Variants in SLC11A2 observed in about 807,000 individuals in gnomAD.
The protein encoded by SLC11A2 is natural resistance-associated macrophage protein 2.
SLC11A2 carries 38 observed loss-of-function variants against 68.0 expected under a neutral mutation model. The observed-to-expected ratio is 0.56, with a 90% CI of 0.43 to 0.73. The LOEUF (loss-of-function observed/expected upper bound fraction) is 0.73, where lower values mean the gene tolerates loss of function less well. Ranked by LOEUF, SLC11A2 falls within the 30% of genes least tolerant of loss-of-function variation. The pLI, the probability that SLC11A2 is intolerant of heterozygous loss-of-function variation, is 0.00. For missense variants in SLC11A2, 517 were observed against 690.5 expected (o/e 0.75, Z 2.82); for synonymous variants, 242 against 250.6 (o/e 0.97, Z 0.32).
At chr12:50,982,534 G>A (rs113774484), downstream of SLC11A2, among the ~76,000 whole-genome samples, 2 of 152,180 alleles carry the variant, frequency 1.3e-5, no homozygotes, top group Admixed American at 6.5e-5. Context: ...GGCTGAGGCA[G>A]GAGAATCACT....
chr12:50,958,650 A>G, the SLC11A2 span, among the ~76,000 whole-genome samples: 22 of 152,052 alleles, frequency 1.4e-4, no homozygotes, highest in Non-Finnish European at 4.4e-5. Context: ...GGCTTACTAT[A>G]TTGCTACAGT....
intron 1 of SLC11A2, 22 bp from the exon 2 acceptor site, chr12:51,010,788 GAGA>G: frequency 6.9e-7 from 1 of 1,448,538 alleles, no homozygotes; most frequent in East Asian, 2.3e-5. Flanking sequence ...AAAAGTGAGG[GAGA>G]AGAATTAGGA....
rs565669746 is a variant in SLC11A2 at position 51,008,612 on chromosome 12, C to G, written c.47G>C (p.Gly16Ala). The change falls in exon 3 of 16, where the codon GGA becomes GCA. Residue 16 changes from glycine to alanine, a missense_variant. Gly to Ala is a moderately conservative substitution (Grantham distance 60). Coordinates refer to ENST00000262052, the MANE Select transcript of SLC11A2 (RefSeq NM_000617.3). ...EQKMSDDSVS[G>A]DHGESASLGN... ...AAGACTGGCAGACTCCCCATGATCT[C>G]CAGAAACACTGTCTGAATTAACAGA... 6.2e-7 allele frequency: 1 copy of G among 1,612,070 alleles called. No homozygotes were observed. Among genetic ancestry groups the G allele is most frequent in the Admixed American group, 1.7e-5 (1 of 59,976 alleles).
chr12:50,982,638 A>G (rs1940138428), downstream of SLC11A2, among the ~76,000 whole-genome samples: 1 of 151,874 alleles, frequency 6.6e-6, no homozygotes, highest in African/African-American at 2.4e-5. Flanking sequence ...AAAACAAAAC[A>G]GCAAACAAAC....
intron 5 of SLC11A2, among the ~76,000 whole-genome samples, chr12:51,001,417 G>T (rs1387578519): frequency 6.6e-6 from 1 of 151,980 alleles, no homozygotes; most frequent in Admixed American, 6.6e-5. Context: ...GAGAGAAGCA[G>T]AAAAGTTAAC....
chr12:50,966,911 T>C, the SLC11A2 span, among the ~76,000 whole-genome samples: 1 of 151,762 alleles, frequency 6.6e-6, no homozygotes, highest in East Asian at 1.9e-4. Flanking sequence ...AGGTCAGGAG[T>C]TCGAGAACAG....
chr12:50,972,087 A>C, the SLC11A2 span, among the ~76,000 whole-genome samples: 5 of 152,224 alleles, frequency 3.3e-5, no homozygotes, highest in South Asian at 1.0e-3. Flanking sequence ...GCTGGATCTA[A>C]TATGTTCCAT....
chr12:51,004,067 A>G (rs1455329404), intron 5 of SLC11A2, among the ~76,000 whole-genome samples: 1 of 152,236 alleles, frequency 6.6e-6, no homozygotes, highest in African/African-American at 2.4e-5. Flanking sequence ...GGATATTTTG[A>G]TATAGGCATA....
Position 50,986,900 on chromosome 12 carries a change from G to A in SLC11A2, c.*1425C>T, listed in dbSNP as rs1350193753. 10 of 1,287,170 alleles carry A rather than the reference G, an allele frequency of 7.8e-6. No homozygotes were observed. Among genetic ancestry groups the A allele is most frequent in the East Asian group, 5.5e-5 (1 of 18,020 alleles). 79.7% of individuals were successfully genotyped at this position (1,287,170 alleles called of 1,614,324 possible). Reference sequence around the variant, plus strand: ...GCTTTTGGGGGCTCAGATGAACAGCGAACACCAATCAGCCAGGACTCTGGA... The same window carrying A: ...GCTTTTGGGGGCTCAGATGAACAGCAAACACCAATCAGCCAGGACTCTGGA... On this transcript the variant is annotated 3_prime_UTR_variant, in exon 16 of 16. Transcript: ENST00000262052.
the SLC11A2 span, among the ~76,000 whole-genome samples, chr12:50,969,092 C>A: frequency 6.6e-6 from 1 of 151,378 alleles, no homozygotes; most frequent in Non-Finnish European, 1.5e-5. Context: ...GTCAGGAGTT[C>A]GAGACCAGCC....
At chr12:51,016,325 T>C (rs1248174274) in intron 1 of SLC11A2, among the ~76,000 whole-genome samples, 1 of 151,914 alleles carries the variant, frequency 6.6e-6, no homozygotes, top group Non-Finnish European at 1.5e-5. Flanking sequence ...GGCAGGTAGA[T>C]CACCTGAGGT....
rs199638775 is a variant in SLC11A2 at position 50,992,376 on chromosome 12, C to A, written c.1198-37G>T. 1,089 of 1,609,864 alleles carry A rather than the reference C, an allele frequency of 6.8e-4. 1 individual carries two copies. Among genetic ancestry groups the A allele is most frequent in the Non-Finnish European group, 7.9e-4 (935 of 1,177,914 alleles). On this transcript the variant is annotated intron_variant, in intron 12 of 15. Coordinates refer to ENST00000262052, the MANE Select transcript of SLC11A2 (RefSeq NM_000617.3). ...CATAGGAGCAGATGACTGTCTGCAA[C>A]AGGAAACAAAAAAAAGTTTTGGGGA...
chr12:50,977,705 A>C (rs923762618), downstream of SLC11A2, among the ~76,000 whole-genome samples: 5 of 152,208 alleles, frequency 3.3e-5, no homozygotes, highest in Non-Finnish European at 5.9e-5. Context: ...CAGAGTGAAC[A>C]GGCAACCTAC....
At chr12:51,028,355 A>T, upstream of SLC11A2, 3 of 578,542 alleles carry the variant, frequency 5.2e-6, no homozygotes, top group South Asian at 7.7e-5. Flanking sequence ...AAGACGAGCA[A>T]GGAATTTCAA....
intron 5 of SLC11A2, among the ~76,000 whole-genome samples, chr12:51,004,417 A>C (rs1260853304): frequency 6.6e-6 from 1 of 152,214 alleles, no homozygotes; most frequent in African/African-American, 2.4e-5. Flanking sequence ...AAAGTCAAAC[A>C]AAAAAAGAAC....
chr12:50,960,905 C>T, the SLC11A2 span: 1 of 1,425,738 alleles, frequency 7.0e-7, no homozygotes, highest in Non-Finnish European at 9.4e-7. Flanking sequence ...TTTTCAAACT[C>T]CTGGTCTCAC....
chr12:50,978,948 T>G (rs935060664), downstream of SLC11A2, among the ~76,000 whole-genome samples: 3 of 152,174 alleles, frequency 2.0e-5, no homozygotes, highest in Non-Finnish European at 4.4e-5. Flanking sequence ...TGGCACACAG[T>G]TATGTAGCAG....
chr12:50,980,973 T>C (rs1396424224), downstream of SLC11A2: 1 of 152,266 alleles, frequency 6.6e-6, no homozygotes, highest in Non-Finnish European at 1.5e-5. Flanking sequence ...GTGTGGTTTC[T>C]GGATCTTGTT....
chr12:51,021,765 G>C (rs897380514), intron 1 of SLC11A2, among the ~76,000 whole-genome samples: 1 of 152,128 alleles, frequency 6.6e-6, no homozygotes, highest in Non-Finnish European at 1.5e-5. Context: ...AAAAGAAAAA[G>C]AGAAAGTGGA....
Sources: gnomAD v4.1 joint callset for allele counts (sites outside exome capture counted in the v4.1 genomes callset) on GRCh38, gnomAD v4.1.1 for gene constraint, MANE v1.5 for transcripts, NCBI Gene and HGNC (gene_info 2026-07-23, HGNC 2026-07-21) for gene names.